The following LPP variants were observed in gnomAD, a reference collection of about 807,000 sequenced individuals.
LPP encodes lipoma-preferred partner.
A neutral mutation model predicts 60.4 loss-of-function variants in LPP; 38 were observed. The observed-to-expected ratio is 0.63, with a 90% confidence interval of 0.49 to 0.83. The LOEUF is 0.83. Among genes scored for constraint, LPP ranks in the 40% least tolerant of loss-of-function variants. The probability of loss-of-function intolerance (pLI) is 0.00; values close to 1 mark genes in which losing one functional copy is unlikely to be tolerated. For synonymous variants in LPP, 328 were observed against 290.8 expected, an observed-to-expected ratio of 1.13 and a Z score of -1.30; for missense variants, 902 against 783.6, an observed-to-expected ratio of 1.15 and a Z score of -1.80.
chr3:188,479,547 T>C (rs374491425), intron 4 of LPP, among the ~76,000 whole-genome samples: 1 of 152,212 alleles, frequency 6.6e-6, no homozygotes, highest in African/African-American at 2.4e-5. Flanking sequence ...TTTTCAGTCA[T>C]GCGACCTACA....
At position 188,399,650 on chromosome 3, in the gene LPP, C is replaced by G. The variant is rs371906718; in HGVS notation, c.-9-6462C>G. 4.6e-5 allele frequency among the ~76,000 whole-genome samples: 7 copies of G among 152,272 alleles called. No individual in the cohort carries two copies. The East Asian group carries it at 1.4e-3, about 29-fold the overall frequency. On this transcript the variant is annotated intron_variant, in intron 3 of 11. Transcript: ENST00000617246. ...TCATTTAAAGATTAATAGAAATGCT[C>G]TAAGTCAATTATTCTCAACCCTTGA... is the stretch of plus-strand genomic sequence containing the variant.
intron 3 of LPP, among the ~76,000 whole-genome samples, chr3:188,349,442 C>A (rs752310173): frequency 9.2e-5 from 14 of 152,132 alleles, no homozygotes; most frequent in South Asian, 6.2e-4. Context: ...CTGGCTGGGG[C>A]CATCAAAACG....
At chr3:188,308,410 G>A (rs1271666468) in intron 2 of LPP, among the ~76,000 whole-genome samples, 1 of 152,186 alleles carries the variant, frequency 6.6e-6, no homozygotes, top group Non-Finnish European at 1.5e-5. Context: ...AACCTTGAAA[G>A]AGTGCTAGTT....
chr3:188,657,110 A>G (rs66844029), intron 7 of LPP, among the ~76,000 whole-genome samples: 14,341 of 151,658 alleles, frequency 0.095, 1,024 homozygotes, highest in East Asian at 0.39. Flanking sequence ...GTCTTTAGGT[A>G]TTTTATTAAT....
intron 1 of LPP, among the ~76,000 whole-genome samples, chr3:188,164,947 C>A (rs551573527): frequency 6.6e-6 from 1 of 152,050 alleles, no homozygotes; most frequent in East Asian, 1.9e-4. Flanking sequence ...TCACATAAAT[C>A]ATCAAGACAG....
intron 2 of LPP, among the ~76,000 whole-genome samples, chr3:188,288,078 T>G (rs578249656): frequency 6.6e-6 from 1 of 152,348 alleles, no homozygotes; most frequent in Non-Finnish European, 1.5e-5. Flanking sequence ...AGCCTGCATT[T>G]ATTAGCAAGT....
At chr3:188,418,238 T>A (rs1786860424) in intron 4 of LPP, among the ~76,000 whole-genome samples, 1 of 152,186 alleles carries the variant, frequency 6.6e-6, no homozygotes, top group Non-Finnish European at 1.5e-5. Context: ...TATCTTCCCT[T>A]AAGTATTGGT....
chr3:188,348,827 C>T (rs1047386569), intron 3 of LPP, among the ~76,000 whole-genome samples: 1 of 152,016 alleles, frequency 6.6e-6, no homozygotes, highest in African/African-American at 2.4e-5. Flanking sequence ...GCTGACAATG[C>T]CTGGCATGCT....
Position 188,682,051 on chromosome 3 carries a change from C to T in LPP, c.1114-26216C>T, listed in dbSNP as rs538148346. ...TCTTATTTGATCTTCACCATAATCC[C>T]GTGAAGTGAATACCGTATTCATACT... On this transcript the variant is annotated intron_variant, in intron 7 of 11. Transcript: ENST00000617246. 3.3e-5 allele frequency among the ~76,000 whole-genome samples: 5 copies of T among 152,248 alleles called. No homozygotes were observed. The East Asian group carries it at 9.7e-4, about 29-fold the overall frequency.
At chr3:188,180,038 A>G (rs1445769074) in intron 1 of LPP, 1 of 158,718 alleles carries the variant, frequency 6.3e-6, no homozygotes, top group Admixed American at 6.0e-5. Context: ...AGACACCAAT[A>G]TATGCATAGC....
chr3:188,334,506 TCCG>T (rs1761096878), intron 2 of LPP, among the ~76,000 whole-genome samples: 1 of 140,176 alleles, frequency 7.1e-6, no homozygotes, highest in African/African-American at 2.7e-5. Flanking sequence ...CACTGCAAGC[TCCG>T]CCTCCTGGCC....
intron 8 of LPP, among the ~76,000 whole-genome samples, chr3:188,753,288 A>T (rs1297260358): frequency 3.3e-5 from 5 of 152,246 alleles, no homozygotes; most frequent in South Asian, 2.1e-4. Context: ...ATAATTTTCT[A>T]TTTTTTGTTA....
In LPP at chr3:188,874,492, G is replaced by A. The variant is rs1578104284; in HGVS notation, c.*13G>A. On this transcript the variant is annotated 3_prime_UTR_variant, in exon 12 of 12. Transcript: ENST00000617246. Reference sequence around the variant, plus strand: ...CACTGACCTTTAGATTCAGTCACCTGTTCAGCCGGCACTGAGAAGAACGAA... The same window carrying A: ...CACTGACCTTTAGATTCAGTCACCTATTCAGCCGGCACTGAGAAGAACGAA... The A allele has an allele frequency of 6.2e-7, 1 of 1,612,608 alleles. No individual in the cohort carries two copies. Among genetic ancestry groups the A allele is most frequent in the Non-Finnish European group, 8.5e-7 (1 of 1,178,886 alleles).
At chr3:188,521,811 A>G (rs1263289148) in intron 5 of LPP, among the ~76,000 whole-genome samples, 2 of 152,170 alleles carry the variant, frequency 1.3e-5, no homozygotes, top group Non-Finnish European at 2.9e-5. Flanking sequence ...TAAGCAGACA[A>G]CACTCTACCA....
intron 5 of LPP, among the ~76,000 whole-genome samples, chr3:188,504,186 G>A (rs531036916): frequency 2.4e-4 from 37 of 152,102 alleles, no homozygotes; most frequent in African/African-American, 8.9e-4. Context: ...CTCTCTTCAA[G>A]TTTTCTGATT....
chr3:188,821,575 T>C (rs1753970834), intron 9 of LPP, among the ~76,000 whole-genome samples: 3 of 152,050 alleles, frequency 2.0e-5, no homozygotes, highest in Non-Finnish European at 4.4e-5. Flanking sequence ...GCTTTTTCCT[T>C]CTTCTTTTAA....
chr3:188,630,958 G>A (rs544501134), intron 7 of LPP, among the ~76,000 whole-genome samples: 3 of 152,214 alleles, frequency 2.0e-5, no homozygotes, highest in South Asian at 2.1e-4. Flanking sequence ...ACTTGTAAGT[G>A]GGAGCTAAAC....
At chr3:188,450,506 A>C (rs1312722974) in intron 4 of LPP, among the ~76,000 whole-genome samples, 1 of 152,150 alleles carries the variant, frequency 6.6e-6, no homozygotes, top group East Asian at 1.9e-4. Flanking sequence ...GCACTTTGGG[A>C]GGCCGAGGCA....
At chr3:188,479,562 CT>C (rs889704306) in intron 4 of LPP, among the ~76,000 whole-genome samples, 1 of 152,180 alleles carries the variant, frequency 6.6e-6, no homozygotes, top group African/African-American at 2.4e-5. Flanking sequence ...CCTACAGTTA[CT>C]GAGGATGTTC....
Sources: gnomAD v4.1 joint callset for allele counts (sites outside exome capture counted in the v4.1 genomes callset) on GRCh38, gnomAD v4.1.1 for gene constraint, MANE v1.5 for transcripts, NCBI Gene and HGNC (gene_info 2026-07-23, HGNC 2026-07-21) for gene names.